Variants in SNX27 observed in about 807,000 individuals in gnomAD.
SNX27 encodes sorting nexin 27, also known as sorting nexin-27.
Under a neutral mutation model 71.6 loss-of-function variants are expected in SNX27, and 22 were observed. The observed-to-expected ratio is 0.31, with a 90% CI of 0.22 to 0.44. The LOEUF (loss-of-function observed/expected upper bound fraction) is 0.44, where lower values mean the gene tolerates loss of function less well. Among genes scored for constraint, SNX27 ranks in the 20% least tolerant of loss-of-function variants. SNX27 has a pLI of 1.00. For missense variants in SNX27, 531 were observed against 698.6 expected, an observed-to-expected ratio of 0.76 and a Z score of 2.70; for synonymous variants, 269 against 277.2, an observed-to-expected ratio of 0.97 and a Z score of 0.29.
chr1:151,617,983 GT>G (rs1667504056), intron 1 of SNX27, among the ~76,000 whole-genome samples: 1 of 145,028 alleles, frequency 6.9e-6, no homozygotes, highest in African/African-American at 2.5e-5. Context: ...AGCCTTCCGA[GT>G]AGCTGGCACT....
chr1:151,657,857 C>T (rs1211841996), intron 2 of SNX27, among the ~76,000 whole-genome samples: 1 of 151,990 alleles, frequency 6.6e-6, no homozygotes, highest in Non-Finnish European at 1.5e-5. Context: ...AAAAATTAGC[C>T]AGGTATGGTG....
rs745587168 is a variant in SNX27, at chr1:151,693,049, A to G, written c.1518+10A>G. Reference sequence around the variant, plus strand: ...AATCTTCACGCCATATGTGAGTGCAATTTGGGGAAAGTAACTGGGACTTAG... The same window carrying G: ...AATCTTCACGCCATATGTGAGTGCAGTTTGGGGAAAGTAACTGGGACTTAG... On this transcript the variant is annotated intron_variant, in intron 10 of 11. Coordinates refer to ENST00000458013, the MANE Select transcript of SNX27 (RefSeq NM_001330723.2). 2.5e-6 allele frequency: 4 copies of G among 1,604,198 alleles called. No individual in the cohort carries two copies. The highest frequency in any genetic ancestry group is 2.2e-5 in the East Asian group (1 of 44,804).
intron 1 of SNX27, chr1:151,615,794 AACTG>A (rs1406690190): frequency 3.0e-6 from 3 of 985,004 alleles, no homozygotes; most frequent in Admixed American, 6.2e-5. Context: ...TTGTTTGGAC[AACTG>A]ACAGTGGTGT....
At chr1:151,652,403 C>A (rs991024377) in intron 2 of SNX27, among the ~76,000 whole-genome samples, 1 of 133,282 alleles carries the variant, frequency 7.5e-6, no homozygotes, top group Non-Finnish European at 1.6e-5. Flanking sequence ...GATACCACGC[C>A]TTTTTTTTTT....
chr1:151,692,362 A>C (rs1014248004), intron 8 of SNX27, 73 bp from the exon 9 acceptor site: 7 of 1,382,734 alleles, frequency 5.1e-6, no homozygotes, highest in Non-Finnish European at 6.5e-6. Context: ...ATAGCTCTTT[A>C]TTGTGTTTAA....
At position 151,652,682 on chromosome 1, in the gene SNX27, A is replaced by G. The variant is rs188811739; in HGVS notation, c.544-5553A>G. Among the ~76,000 whole-genome samples, 256 of 152,208 alleles carry G rather than the reference A, an allele frequency of 1.7e-3. 1 individual carries two copies. Among genetic ancestry groups the G allele is most frequent in the Middle Eastern group, 0.014 (4 of 294 alleles). On this transcript the variant is annotated intron_variant, in intron 2 of 11. Transcript: ENST00000458013. ...CGCCTCGACCTCCCAAAGTGCTGGA[A>G]TTACAGGCGTGAGCCACTGCGCCCA...
chr1:151,644,416 C>G (rs1275489612), intron 2 of SNX27, among the ~76,000 whole-genome samples: 1 of 152,140 alleles, frequency 6.6e-6, no homozygotes, highest in African/African-American at 2.4e-5. Context: ...TTCTTTCACT[C>G]AGCATAATAT....
chr1:151,652,703 G>A (rs931675747), intron 2 of SNX27, among the ~76,000 whole-genome samples: 4 of 151,774 alleles, frequency 2.6e-5, no homozygotes, highest in African/African-American at 9.7e-5. Context: ...GAGCCACTGC[G>A]CCCAGCCCAT....
intron 6 of SNX27, among the ~76,000 whole-genome samples, chr1:151,667,846 A>G (rs1258821184): frequency 6.6e-6 from 1 of 151,450 alleles, no homozygotes; most frequent in Non-Finnish European, 1.5e-5. Context: ...AAAAAAAAAA[A>G]AAAAAGATGT....
At chr1:151,627,317 A>G (rs1384456870) in intron 1 of SNX27, among the ~76,000 whole-genome samples, 1 of 152,222 alleles carries the variant, frequency 6.6e-6, no homozygotes. Context: ...GTTTAGCAGT[A>G]TCAGAATTGT....
In SNX27 at chr1:151,621,291, A is replaced by T. The variant is rs527272473; in HGVS notation, c.311+8779A>T. Among the ~76,000 whole-genome samples, 6 of 152,336 alleles carry T rather than the reference A, an allele frequency of 3.9e-5. No individual in the cohort carries two copies. In the East Asian group the frequency reaches 9.6e-4, roughly 24 times the overall value. The stretch of plus-strand genomic sequence containing the variant: ...TGTTTATTATTTATTGCTCCCTGCC[A>T]ACTAAATAAGGTTCTCATAATAGTT... On this transcript the variant is annotated intron_variant, in intron 1 of 11. Coordinates refer to ENST00000458013, the MANE Select transcript of SNX27 (RefSeq NM_001330723.2).
intron 2 of SNX27, among the ~76,000 whole-genome samples, chr1:151,651,716 G>A (rs1409204981): frequency 2.6e-5 from 4 of 151,512 alleles, no homozygotes; most frequent in Non-Finnish European, 5.9e-5. Flanking sequence ...TCACTTTCCA[G>A]ACTGGGCAGC....
At chr1:151,637,668 C>A (rs1668530129) in intron 1 of SNX27, among the ~76,000 whole-genome samples, 2 of 152,072 alleles carry the variant, frequency 1.3e-5, no homozygotes, top group Admixed American at 1.3e-4. Flanking sequence ...TTGTTAAACC[C>A]TAAATTAAAT....
chr1:151,628,920 A>G (rs955116328), intron 1 of SNX27, among the ~76,000 whole-genome samples: 3 of 151,970 alleles, frequency 2.0e-5, no homozygotes, highest in South Asian at 2.1e-4. Context: ...ATTTTCTCCT[A>G]GTCTGTTTTG....
chr1:151,664,352 C>G (rs1670101263), intron 5 of SNX27, among the ~76,000 whole-genome samples: 1 of 151,728 alleles, frequency 6.6e-6, no homozygotes, highest in African/African-American at 2.4e-5. Context: ...AATGAATGCT[C>G]CTTCATGTCT....
chr1:151,659,236 TTTTTGTTTTGTTTTG>T (rs529877354), intron 3 of SNX27, among the ~76,000 whole-genome samples: 1 of 151,856 alleles, frequency 6.6e-6, no homozygotes, highest in African/African-American at 2.4e-5. Context: ...TGTATTGAAT[TTTTTGTTTTGTTTTG>T]TTTTGTTTTG....
At chr1:151,653,836 GT>G (rs60604221) in intron 2 of SNX27, among the ~76,000 whole-genome samples, 15 of 129,718 alleles carry the variant, frequency 1.2e-4, no homozygotes, top group East Asian at 4.5e-4. Context: ...AGTTTTTTTT[GT>G]TTTTTTTTTT....
intron 1 of SNX27, among the ~76,000 whole-genome samples, chr1:151,636,666 TAAA>T (rs11333472): frequency 5.3e-4 from 52 of 97,526 alleles, no homozygotes; most frequent in African/African-American, 6.7e-4. Flanking sequence ...TCCACTTTTG[TAAA>T]AAAAAAAAAA....
At chr1:151,688,990 C>T (rs1671316742) in intron 8 of SNX27, among the ~76,000 whole-genome samples, 1 of 152,094 alleles carries the variant, frequency 6.6e-6, no homozygotes, top group South Asian at 2.1e-4. Flanking sequence ...GGCACAGGTG[C>T]CCTTAGTTTT....
Sources: gnomAD v4.1 joint callset for allele counts (sites outside exome capture counted in the v4.1 genomes callset) on GRCh38, gnomAD v4.1.1 for gene constraint, MANE v1.5 for transcripts, NCBI Gene and HGNC (gene_info 2026-07-23, HGNC 2026-07-21) for gene names.